RTP2: variants seen among roughly 807,000 people sequenced by gnomAD.
RTP2 encodes receptor transporter protein 2.
Under a neutral mutation model 17.9 loss-of-function variants are expected in RTP2, and 12 were observed. The observed-to-expected ratio is 0.67, with a 90% CI of 0.43 to 1.09. The LOEUF is 1.09. Ranked by LOEUF, RTP2 falls within the 50% of genes least tolerant of loss-of-function variation. RTP2 has a pLI of 0.00. For missense variants in RTP2, 327 were observed against 295.7 expected, an observed-to-expected ratio of 1.11 and a Z score of -0.78; for synonymous variants, 126 against 117.7, an observed-to-expected ratio of 1.07 and a Z score of -0.46.
At chr3:187,703,496 T>C (rs1319493940), upstream of RTP2, among the ~76,000 whole-genome samples, 1 of 152,222 alleles carries the variant, frequency 6.6e-6, no homozygotes, top group Non-Finnish European at 1.5e-5. Flanking sequence ...GAAGAGCTCT[T>C]TTATTTTTAA....
chr3:187,709,287 G>T, the RTP2 span, among the ~76,000 whole-genome samples: 1 of 152,094 alleles, frequency 6.6e-6, no homozygotes. Flanking sequence ...ACACAGATTC[G>T]GAGCTTGTTT....
At chr3:187,698,849 C>T (rs1185908916) in exon 2 of RTP2, 1 of 1,613,140 alleles carries the variant, frequency 6.2e-7, no homozygotes, top group African/African-American at 1.3e-5. Flanking sequence ...TCTCCTCCAG[C>T]ATGCTGGACT....
the RTP2 span, among the ~76,000 whole-genome samples, chr3:187,711,805 A>G: frequency 6.6e-6 from 1 of 152,262 alleles, no homozygotes; most frequent in Non-Finnish European, 1.5e-5. Context: ...GGTTCCGAAG[A>G]GGATCAAATA....
At chr3:187,708,341 A>G in the RTP2 span, among the ~76,000 whole-genome samples, 1 of 152,222 alleles carries the variant, frequency 6.6e-6, no homozygotes, top group African/African-American at 2.4e-5. Flanking sequence ...GTGAAGAGTA[A>G]ACTCTGTGAT....
chr3:187,709,172 T>C, the RTP2 span, among the ~76,000 whole-genome samples: 1 of 152,220 alleles, frequency 6.6e-6, no homozygotes, highest in East Asian at 1.9e-4. Flanking sequence ...TTAAAGAATG[T>C]ATTTGATTTT....
At chr3:187,704,389 C>G (rs1717937708), upstream of RTP2, among the ~76,000 whole-genome samples, 1 of 152,058 alleles carries the variant, frequency 6.6e-6, no homozygotes, top group Non-Finnish European at 1.5e-5. Flanking sequence ...TCAAAATCAC[C>G]TGGAGAGTTC....
exon 1 of RTP2, chr3:187,702,413 C>T (rs922986073): frequency 1.7e-5 from 9 of 537,300 alleles, no homozygotes; most frequent in African/African-American, 1.1e-4. Context: ...GAGGAGCAAG[C>T]ACAGTGGGAG....
At chr3:187,703,330 C>T (rs1451944831), upstream of RTP2, among the ~76,000 whole-genome samples, 2 of 152,158 alleles carry the variant, frequency 1.3e-5, no homozygotes, top group Non-Finnish European at 2.9e-5. Flanking sequence ...ACCGGAAGCT[C>T]TTGGTGTTGA....
At chr3:187,703,411 T>C (rs1194489865), upstream of RTP2, among the ~76,000 whole-genome samples, 2 of 152,208 alleles carry the variant, frequency 1.3e-5, no homozygotes, top group African/African-American at 4.8e-5. Context: ...AAATGAAAAG[T>C]GTTACTCTAG....
At chr3:187,710,157 T>C in the RTP2 span, among the ~76,000 whole-genome samples, 1 of 152,108 alleles carries the variant, frequency 6.6e-6, no homozygotes, top group Admixed American at 6.5e-5. Flanking sequence ...TGCCTGACTT[T>C]TGAGCTGAGA....
upstream of RTP2, among the ~76,000 whole-genome samples, chr3:187,706,759 C>T (rs1316970894): frequency 6.6e-6 from 1 of 152,150 alleles, no homozygotes; most frequent in Non-Finnish European, 1.5e-5. Context: ...TGCACCAGCA[C>T]ACCTGGCTGA....
upstream of RTP2, among the ~76,000 whole-genome samples, chr3:187,704,782 G>T (rs538854837): frequency 1.4e-4 from 22 of 152,232 alleles, no homozygotes; most frequent in South Asian, 4.1e-3. Context: ...AGCACTTAGC[G>T]ACAGCATGGT....
At chr3:187,706,335 A>G (rs1232186882), upstream of RTP2, among the ~76,000 whole-genome samples, 3 of 152,224 alleles carry the variant, frequency 2.0e-5, no homozygotes. Context: ...AGCTTTCTTG[A>G]TATATGCTTA....
chr3:187,708,083 G>A, the RTP2 span, among the ~76,000 whole-genome samples: 3 of 152,176 alleles, frequency 2.0e-5, no homozygotes, highest in Admixed American at 1.3e-4. Context: ...TTTATTGTCC[G>A]TAAAACTTCT....
At chr3:187,714,046 C>G in the RTP2 span, among the ~76,000 whole-genome samples, 1 of 152,168 alleles carries the variant, frequency 6.6e-6, no homozygotes, top group Non-Finnish European at 1.5e-5. Flanking sequence ...CGGCCCTCAC[C>G]CGCTAGCCAG....
exon 2 of RTP2, chr3:187,698,739 T>G (rs1717757198): frequency 6.2e-7 from 1 of 1,614,006 alleles, no homozygotes; most frequent in Non-Finnish European, 8.5e-7. Context: ...CGGCCCGCTG[T>G]CCGGGCGGCT....
rs1175074214 is a variant in RTP2 at position 187,699,081 on chromosome 3, A to AG, written c.165-71dup. On this transcript the variant is annotated intron_variant, in intron 1 of 1. Transcript: ENST00000358241. Reference sequence around the variant, plus strand: ...GAAGCCTGCCCTGAGAAGCTCTGAGAGGGAAAAAAAAGCCTGTGTGCCCGT... The same window carrying AG: ...GAAGCCTGCCCTGAGAAGCTCTGAGAGGGGAAAAAAAAGCCTGTGTGCCCGT... 3 of 1,479,832 alleles carry AG rather than the reference A, an allele frequency of 2.0e-6. No individual in the cohort carries two copies. In the African/African-American group the frequency reaches 4.3e-5, roughly 21 times the overall value. The allele number at this position is 1,479,832 out of a possible 1,614,324, so 91.7% of individuals were successfully genotyped here.
At chr3:187,698,329 A>T in exon 2 of RTP2, 1 of 612,038 alleles carries the variant, frequency 1.6e-6, no homozygotes, top group South Asian at 2.3e-5. Context: ...TGAAAGAATC[A>T]TTGCCTATCT....
At chr3:187,708,393 T>G in the RTP2 span, among the ~76,000 whole-genome samples, 1 of 152,070 alleles carries the variant, frequency 6.6e-6, no homozygotes, top group African/African-American at 2.4e-5. Context: ...TAACAGTTAC[T>G]TAATCTGTGT....
Sources: gnomAD v4.1 joint callset for allele counts (sites outside exome capture counted in the v4.1 genomes callset) on GRCh38, gnomAD v4.1.1 for gene constraint, MANE v1.5 for transcripts, NCBI Gene and HGNC (gene_info 2026-07-23, HGNC 2026-07-21) for gene names.